Variants in ADAMTS6 observed in about 807,000 individuals in gnomAD.
ADAMTS6 encodes the protein A disintegrin and metalloproteinase with thrombospondin motifs 6.
In ADAMTS6, 23 loss-of-function variants were observed where a neutral mutation model predicts 144.3. The ratio of observed to expected loss-of-function variants is 0.16; its 90% CI spans 0.11 to 0.23. The LOEUF is 0.23. Ranked by LOEUF, ADAMTS6 falls within the 10% of genes least tolerant of loss-of-function variation. The pLI, the probability that ADAMTS6 is intolerant of heterozygous loss-of-function variation, is 1.00. For missense variants in ADAMTS6, 999 were observed against 1,379.6 expected, an observed-to-expected ratio of 0.72 and a Z score of 4.37; for synonymous variants, 444 against 457.5, an observed-to-expected ratio of 0.97 and a Z score of 0.38.
At chr5:65,344,511 T>G (rs1317802627) in intron 7 of ADAMTS6, among the ~76,000 whole-genome samples, 1 of 151,944 alleles carries the variant, frequency 6.6e-6, no homozygotes, top group East Asian at 1.9e-4. Context: ...GGCTTTATCA[T>G]ATTTTACCGT....
chr5:65,378,581 T>A (rs1438907506), intron 7 of ADAMTS6, among the ~76,000 whole-genome samples: 1 of 152,192 alleles, frequency 6.6e-6, no homozygotes, highest in Non-Finnish European at 1.5e-5. Flanking sequence ...CCCTGCCTTG[T>A]CTTATGATGT....
At chr5:65,190,053 C>T (rs1223783886) in intron 21 of ADAMTS6, among the ~76,000 whole-genome samples, 2 of 152,148 alleles carry the variant, frequency 1.3e-5, no homozygotes, top group Admixed American at 1.3e-4. Flanking sequence ...AGTCAGAGTA[C>T]TAGTATCCTA....
intron 22 of ADAMTS6, among the ~76,000 whole-genome samples, chr5:65,183,580 G>C (rs909949488): frequency 4.6e-5 from 7 of 151,908 alleles, no homozygotes; most frequent in East Asian, 3.9e-4. Flanking sequence ...TGTGGATAAG[G>C]GGGGACTACT....
chr5:65,171,687 A>G (rs1753640896), intron 23 of ADAMTS6, among the ~76,000 whole-genome samples: 1 of 152,010 alleles, frequency 6.6e-6, no homozygotes, highest in Admixed American at 6.6e-5. Context: ...ACAGGCGTGG[A>G]GCCTGGTGAT....
chr5:65,304,696 G>A (rs1191286860), intron 9 of ADAMTS6, among the ~76,000 whole-genome samples: 4 of 152,154 alleles, frequency 2.6e-5, no homozygotes, highest in Non-Finnish European at 4.4e-5. Flanking sequence ...CTCCCAAAGT[G>A]CTGGAATTGC....
At chr5:65,370,619 G>C (rs1305103029) in intron 7 of ADAMTS6, among the ~76,000 whole-genome samples, 3 of 152,214 alleles carry the variant, frequency 2.0e-5, no homozygotes, top group Admixed American at 2.0e-4. Context: ...TGGATCGGAG[G>C]GTCCTACGCC....
At chr5:65,309,331 C>A (rs1744247378) in intron 9 of ADAMTS6, among the ~76,000 whole-genome samples, 1 of 151,948 alleles carries the variant, frequency 6.6e-6, no homozygotes, top group South Asian at 2.1e-4. Context: ...GCATTAGATT[C>A]TCAGAAAGAG....
At chr5:65,197,836 T>A (rs554612955) in intron 20 of ADAMTS6, among the ~76,000 whole-genome samples, 2 of 152,306 alleles carry the variant, frequency 1.3e-5, no homozygotes, top group South Asian at 2.1e-4. Context: ...TATCTCATTT[T>A]AAAAAATTAG....
At chr5:65,316,731 T>C (rs962409842) in intron 9 of ADAMTS6, among the ~76,000 whole-genome samples, 1 of 152,176 alleles carries the variant, frequency 6.6e-6, no homozygotes, top group African/African-American at 2.4e-5. Flanking sequence ...CTAATATTAT[T>C]AAGGATAAAA....
At position 65,389,430 on chromosome 5, in the gene ADAMTS6, C is replaced by T. The variant is rs191464852; in HGVS notation, c.1074-55345G>A. 1.9e-3 allele frequency among the ~76,000 whole-genome samples: 282 copies of T among 151,876 alleles called. 1 individual carries two copies. The highest frequency in any genetic ancestry group is 2.6e-3 in the Non-Finnish European group (178 of 67,936). On this transcript the variant is annotated intron_variant, in intron 7 of 24. Coordinates refer to ENST00000381055, the MANE Select transcript of ADAMTS6 (RefSeq NM_197941.4). ...ACACCTATTGGTTTTGTACTTTTGT[C>T]GTTATTAAAATTATAATTTATTATG...
chr5:65,371,981 GA>G (rs1359067657), intron 7 of ADAMTS6, among the ~76,000 whole-genome samples: 2 of 152,042 alleles, frequency 1.3e-5, no homozygotes, highest in East Asian at 3.8e-4. Context: ...CATTCTTAAA[GA>G]AAAGAATTTT....
At chr5:65,186,137 G>T (rs905557973) in intron 22 of ADAMTS6, among the ~76,000 whole-genome samples, 1 of 151,856 alleles carries the variant, frequency 6.6e-6, no homozygotes, top group African/African-American at 2.4e-5. Context: ...TTTCTGTTTA[G>T]CCATTTCTCT....
chr5:65,428,981 T>C (rs1756775845), intron 7 of ADAMTS6, among the ~76,000 whole-genome samples: 2 of 152,182 alleles, frequency 1.3e-5, no homozygotes, highest in African/African-American at 4.8e-5. Context: ...ATACAGTACC[T>C]AGGCACACTG....
intron 12 of ADAMTS6, among the ~76,000 whole-genome samples, chr5:65,271,477 T>G: frequency 6.6e-6 from 1 of 152,152 alleles, no homozygotes; most frequent in Non-Finnish European, 1.5e-5. Flanking sequence ...CTGAGAGTAT[T>G]TCTAGTTATC....
intron 4 of ADAMTS6, among the ~76,000 whole-genome samples, chr5:65,454,645 T>C (rs1416450114): frequency 6.6e-6 from 1 of 152,224 alleles, no homozygotes; most frequent in Admixed American, 6.5e-5. Context: ...AGTATATTAG[T>C]ACATGATTAT....
Position 65,243,298 on chromosome 5 carries a change from T to C in ADAMTS6, c.1831-1092A>G, listed in dbSNP as rs114503909. ...CCCTTAGATCTCTGTGTTTGCTTTA[T>C]ATAGTTTTCTGAGGACAGTACATTG... On this transcript the variant is annotated intron_variant, in intron 14 of 24. Coordinates refer to ENST00000381055, the MANE Select transcript of ADAMTS6 (RefSeq NM_197941.4). Among the ~76,000 whole-genome samples the C allele has an allele frequency of 5.5e-3, 838 of 152,256 alleles. 3 individuals carry two copies. Among genetic ancestry groups the C allele is most frequent in the African/African-American group, 0.019 (809 of 41,582 alleles).
At chr5:65,268,109 T>C (rs1345936283) in intron 12 of ADAMTS6, among the ~76,000 whole-genome samples, 2 of 152,330 alleles carry the variant, frequency 1.3e-5, no homozygotes, top group African/African-American at 2.4e-5. Flanking sequence ...AAACGTCCTA[T>C]TATATATCCA....
intron 18 of ADAMTS6, among the ~76,000 whole-genome samples, chr5:65,220,379 T>A (rs1188828054): frequency 1.3e-5 from 2 of 152,138 alleles, no homozygotes; most frequent in African/African-American, 4.8e-5. Flanking sequence ...TAATTTAAGT[T>A]TGTATCTTGA....
intron 7 of ADAMTS6, among the ~76,000 whole-genome samples, chr5:65,417,937 A>G (rs1233457108): frequency 6.6e-6 from 1 of 152,210 alleles, no homozygotes; most frequent in Non-Finnish European, 1.5e-5. Flanking sequence ...AGCAAAAAGA[A>G]CAAAGCTGGA....
Sources: allele counts gnomAD v4.1 joint callset (sites outside exome capture counted in the v4.1 genomes callset), GRCh38; gene constraint gnomAD v4.1.1; transcripts MANE v1.5; gene names NCBI Gene and HGNC (gene_info 2026-07-23, HGNC 2026-07-21).